DMRT1: variants seen among roughly 807,000 people sequenced by gnomAD.
DMRT1 encodes the protein doublesex and mab-3 related transcription factor 1, also known as doublesex- and mab-3-related transcription factor 1.
DMRT1 carries 7 observed loss-of-function variants against 32.3 expected under a neutral mutation model. The observed-to-expected ratio is 0.22, with a 90% CI of 0.12 to 0.41. The LOEUF (loss-of-function observed/expected upper bound fraction) is 0.41. Ranked by LOEUF, DMRT1 falls within the 10% of genes least tolerant of loss-of-function variation. DMRT1 has a pLI of 1.00. For missense variants in DMRT1, 625 were observed against 500.5 expected (o/e 1.25, Z -2.37); for synonymous variants, 278 against 206.1 (o/e 1.35, Z -2.99).
Position 963,237 on chromosome 9 carries a change from C to T in DMRT1, c.968-4748C>T, listed in dbSNP as rs973594919. Among the ~76,000 whole-genome samples the T allele has an allele frequency of 7.9e-5, 12 of 152,230 alleles. No homozygotes were observed. The East Asian group carries it at 1.7e-3, about 22-fold the overall frequency. ...AGGTTCTTTCATTTACAGTGATTGG[C>T]CAGTTCTCTCTACAATACGCAAAGT... On this transcript the variant is annotated intron_variant, in intron 4 of 4. Transcript: ENST00000382276.
chr9:956,578 CA>C (rs60651115), intron 4 of DMRT1, among the ~76,000 whole-genome samples: 15,735 of 146,392 alleles, frequency 0.11, 1,697 homozygotes, highest in African/African-American at 0.26. Flanking sequence ...AAAAAAAAAA[CA>C]AAAAACAAAA....
intron 4 of DMRT1, among the ~76,000 whole-genome samples, chr9:964,779 T>C (rs1819881377): frequency 6.6e-6 from 1 of 152,164 alleles, no homozygotes; most frequent in African/African-American, 2.4e-5. Context: ...AGAGTGGAAT[T>C]ACCAGGTCAG....
intron 4 of DMRT1, among the ~76,000 whole-genome samples, chr9:948,751 GTC>G (rs1023758113): frequency 1.3e-5 from 2 of 151,986 alleles, no homozygotes; most frequent in African/African-American, 4.8e-5. Flanking sequence ...GGTCCTTAAA[GTC>G]TCTCCCTTTA....
intron 3 of DMRT1, among the ~76,000 whole-genome samples, chr9:912,375 T>C (rs1320208469): frequency 6.6e-6 from 1 of 152,224 alleles, no homozygotes; most frequent in African/African-American, 2.4e-5. Context: ...TCTGACCCTT[T>C]GTATCTTTTT....
At chr9:899,014 A>G (rs907615412) in intron 3 of DMRT1, among the ~76,000 whole-genome samples, 2 of 152,222 alleles carry the variant, frequency 1.3e-5, no homozygotes, top group African/African-American at 2.4e-5. Flanking sequence ...TTTTTTAACT[A>G]TTGTAAATGG....
intron 1 of DMRT1, among the ~76,000 whole-genome samples, 171 bp from the exon 2 acceptor site, chr9:846,789 C>G (rs1202420334): frequency 6.6e-6 from 1 of 152,150 alleles, no homozygotes; most frequent in Non-Finnish European, 1.5e-5. Flanking sequence ...AAAACTGTTT[C>G]TCAGCTTTGC....
chr9:888,953 C>A (rs561658206), intron 2 of DMRT1, among the ~76,000 whole-genome samples: 1 of 149,540 alleles, frequency 6.7e-6, no homozygotes, highest in East Asian at 1.9e-4. Flanking sequence ...ATGGTGAGAC[C>A]CCATCTGTAT....
At chr9:888,320 T>C (rs896176216) in intron 2 of DMRT1, among the ~76,000 whole-genome samples, 3 of 151,914 alleles carry the variant, frequency 2.0e-5, no homozygotes, top group Non-Finnish European at 4.4e-5. Context: ...TTTTTTTTCC[T>C]TTTGAGACAG....
intron 4 of DMRT1, among the ~76,000 whole-genome samples, chr9:962,469 T>C (rs1819804920): frequency 6.7e-6 from 1 of 148,462 alleles, no homozygotes; most frequent in Non-Finnish European, 1.5e-5. Context: ...ACAAGTTGCT[T>C]GTGGTGACCT....
chr9:886,349 G>A (rs1816927707), intron 2 of DMRT1, among the ~76,000 whole-genome samples: 1 of 152,116 alleles, frequency 6.6e-6, no homozygotes, highest in Admixed American at 6.5e-5. Context: ...TCCGCCTCCT[G>A]GGTTCAAGCG....
rs560445529 is a variant in DMRT1 at position 963,053 on chromosome 9, G to T, written c.968-4932G>T. Among the ~76,000 whole-genome samples the T allele has an allele frequency of 2.0e-5, 3 of 152,218 alleles. No homozygotes were observed. In the South Asian group the frequency reaches 6.2e-4, roughly 32 times the overall value. Reference sequence around the variant, plus strand: ...AATTTAGAGGGAAAGAGGTAATGTTGCATAAATATGTACTTTCTGTTAAGT... The same window carrying T: ...AATTTAGAGGGAAAGAGGTAATGTTTCATAAATATGTACTTTCTGTTAAGT... On this transcript the variant is annotated intron_variant, in intron 4 of 4. Transcript: ENST00000382276.
chr9:867,464 C>T (rs771013528), intron 2 of DMRT1, among the ~76,000 whole-genome samples: 13 of 152,182 alleles, frequency 8.5e-5, no homozygotes, highest in South Asian at 2.1e-4. Context: ...AATTATAACC[C>T]GAGTAGCTCT....
At chr9:959,268 G>A (rs930465336) in intron 4 of DMRT1, among the ~76,000 whole-genome samples, 5 of 152,224 alleles carry the variant, frequency 3.3e-5, no homozygotes, top group African/African-American at 1.2e-4. Context: ...CCCAGTCATG[G>A]CACCTATATG....
At chr9:962,362 G>A (rs1468640684) in intron 4 of DMRT1, among the ~76,000 whole-genome samples, 1 of 152,142 alleles carries the variant, frequency 6.6e-6, no homozygotes, top group Non-Finnish European at 1.5e-5. Context: ...TTTGGAAGGT[G>A]AGGAGTGAGG....
intron 4 of DMRT1, among the ~76,000 whole-genome samples, chr9:942,489 T>G (rs1331776909): frequency 6.6e-6 from 1 of 152,164 alleles, no homozygotes; most frequent in Non-Finnish European, 1.5e-5. Flanking sequence ...CCGAAGCTGG[T>G]CTTGAACTCC....
chr9:908,539 C>T (rs944159189), intron 3 of DMRT1, among the ~76,000 whole-genome samples: 1 of 152,032 alleles, frequency 6.6e-6, no homozygotes, highest in Non-Finnish European at 1.5e-5. Context: ...GGAGGGCTTG[C>T]TTTATATCCT....
At chr9:882,926 C>CA (rs1488420527) in intron 2 of DMRT1, among the ~76,000 whole-genome samples, 7 of 151,934 alleles carry the variant, frequency 4.6e-5, no homozygotes, top group South Asian at 4.2e-4. Context: ...TGCCTGCCAC[C>CA]ATGCCCGGCT....
intron 4 of DMRT1, among the ~76,000 whole-genome samples, chr9:922,694 C>T (rs1029793660): frequency 3.3e-5 from 5 of 152,142 alleles, no homozygotes; most frequent in African/African-American, 1.2e-4. Context: ...TGCCTTATTT[C>T]TTTTGGTTCC....
intron 2 of DMRT1, among the ~76,000 whole-genome samples, chr9:889,385 T>C (rs1817055039): frequency 6.6e-6 from 1 of 152,254 alleles, no homozygotes; most frequent in Non-Finnish European, 1.5e-5. Flanking sequence ...AATGGTTTTA[T>C]TATTTAAATA....
Sources: gnomAD v4.1 joint callset for allele counts (sites outside exome capture counted in the v4.1 genomes callset) on GRCh38, gnomAD v4.1.1 for gene constraint, MANE v1.5 for transcripts, NCBI Gene and HGNC (gene_info 2026-07-23, HGNC 2026-07-21) for gene names.